CR1: variants seen among roughly 807,000 people sequenced by gnomAD.
CR1 encodes the protein complement C3b/C4b receptor 1 (Knops blood group), also known as complement receptor type 1.
CR1 carries 116 observed loss-of-function variants against 187.3 expected under a neutral mutation model. That is an observed-to-expected ratio of 0.62 (90% CI 0.53 to 0.72). CR1 has a LOEUF of 0.72. Ranked by LOEUF, CR1 falls within the 30% of genes least tolerant of loss-of-function variation. The pLI, the probability that CR1 is intolerant of heterozygous loss-of-function variation, is 0.00. For missense variants in CR1, 1,731 were observed against 2,110.7 expected (o/e 0.82, Z 3.52); for synonymous variants, 576 against 747.1 (o/e 0.77, Z 3.73).
rs775410210 is a variant in CR1 at position 207,523,637 on chromosome 1, A to G, written c.514A>G (p.Ile172Val). 2 of 1,614,006 alleles carry G rather than the reference A, an allele frequency of 1.2e-6. No individual in the cohort carries two copies. Among genetic ancestry groups the G allele is most frequent in the South Asian group, 1.1e-5 (1 of 91,086 alleles). The part of the protein sequence containing the change: ...DRIPCGLPPT[I>V]TNGDFISTNR... ...AATTCCTTGTGGGCTACCCCCCACC[A>G]TCACCAATGGAGATTTCATTAGCAC... The change falls in exon 5 of 47, where the codon ATC (isoleucine) becomes GTC (valine). Residue 172 changes from isoleucine (I) to valine (V), a missense_variant. By Grantham distance (29) the Ile-to-Val change is conservative. This residue lies in a region of CR1 where 237 missense variants were observed against 240.4 expected (regional missense o/e 0.99). Transcript: ENST00000367049.
chr1:207,633,502 A>T (rs1662714540), intron 46 of CR1, among the ~76,000 whole-genome samples: 1 of 152,180 alleles, frequency 6.6e-6, no homozygotes, highest in African/African-American at 2.4e-5. Flanking sequence ...ACCTATAGTA[A>T]TTGACATTTC....
At chr1:207,620,478 A>G (rs1039025209) in intron 43 of CR1, among the ~76,000 whole-genome samples, 1 of 152,216 alleles carries the variant, frequency 6.6e-6, no homozygotes, top group Non-Finnish European at 1.5e-5. Flanking sequence ...GAAATTACGT[A>G]TCATTGAGCT....
rs1487577426 is a variant in CR1, at chr1:207,565,143, C to T, written c.3867-695C>T. ...TGCACATCTCTACACAGGAGCTGACCGGCATGGGCAACAAAGCACCTGATC... is the reference window on the plus strand; with the variant it reads ...TGCACATCTCTACACAGGAGCTGACTGGCATGGGCAACAAAGCACCTGATC... On this transcript the variant is annotated intron_variant, in intron 23 of 46. Transcript: ENST00000367049. 4.7e-5 allele frequency among the ~76,000 whole-genome samples: 7 copies of T among 149,894 alleles called. 1 individual carries two copies. Among genetic ancestry groups the T allele is most frequent in the African/African-American group, 1.3e-4 (5 of 39,402 alleles).
chr1:207,575,504 A>G lies in CR1; in HGVS notation c.4452-91A>G. ...AGGCTAGGCCTTAGACTTCTCCTGC[A>G]TTGTAATCCTTCTGGTTTGCCACAT... On this transcript the variant is annotated intron_variant, in intron 27 of 46. Coordinates refer to ENST00000367049, the MANE Select transcript of CR1 (RefSeq NM_000651.6). The G allele has an allele frequency of 2.6e-6, 4 of 1,530,752 alleles. No individual in the cohort carries two copies. In the South Asian group the frequency reaches 3.4e-5, roughly 13 times the overall value. The allele number at this position is 1,530,752 out of a possible 1,614,324, so 94.8% of individuals were successfully genotyped here.
intron 45 of CR1, among the ~76,000 whole-genome samples, chr1:207,624,557 G>C (rs1027134470): frequency 2.0e-5 from 3 of 152,160 alleles, no homozygotes; most frequent in African/African-American, 7.2e-5. Context: ...AAAGTAGTTT[G>C]TCATAGTAGA....
intron 4 of CR1, among the ~76,000 whole-genome samples, chr1:207,513,073 A>G (rs1233672321): frequency 6.6e-6 from 1 of 152,234 alleles, no homozygotes; most frequent in Non-Finnish European, 1.5e-5. Flanking sequence ...TTCTTTTGCA[A>G]TAATTCAAGT....
At chr1:207,517,016 T>C (rs1659828500) in intron 4 of CR1, among the ~76,000 whole-genome samples, 1 of 152,162 alleles carries the variant, frequency 6.6e-6, no homozygotes, top group South Asian at 2.1e-4. Flanking sequence ...ATAGTCCTCA[T>C]AAATCATGAT....
At position 207,523,920 on chromosome 1, in the gene CR1, G is replaced by A; in HGVS notation, c.797G>A (p.Cys266Tyr). ...TTAAATGAAGTTGTGGAGTTTAGGT[G>A]TCAGCCTGGCTTTGTCATGAAAGGA... ...FSLNEVVEFR[C>Y]QPGFVMKGPR... is the part of the protein sequence containing the mutation. Residue 266 changes from cysteine (C) to tyrosine (Y), a missense_variant, in exon 5 of 47, where the codon TGT (cysteine) becomes TAT (tyrosine). Physicochemically the swap from Cys to Tyr is radical, Grantham distance 194. Around this residue, in one of 5 missense-constraint regions of CR1, gnomAD observed 131 missense variants for 196.8 expected, o/e 0.67. Coordinates refer to ENST00000367049, the MANE Select transcript of CR1 (RefSeq NM_000651.6). The A allele has an allele frequency of 6.2e-7, 1 of 1,611,176 alleles. No individual in the cohort carries two copies. The highest frequency in any genetic ancestry group is 8.5e-7 in the Non-Finnish European group (1 of 1,179,228).
In CR1 at chr1:207,641,483, A is replaced by C. The variant is rs77155824; in HGVS notation, c.*2074A>C. On this transcript the variant is annotated 3_prime_UTR_variant, in exon 47 of 47. Coordinates refer to ENST00000367049, the MANE Select transcript of CR1 (RefSeq NM_000651.6). ...AAGGTTTTTTTCTATTATATCAGTT[A>C]TAATGATAAATACTGTATATACTAA... 6.6e-6 allele frequency: 1 copy of C among 152,252 alleles called. No individual in the cohort carries two copies. Among genetic ancestry groups the C allele is most frequent in the African/African-American group, 2.4e-5 (1 of 41,456 alleles). The allele number at this position is 152,252 out of a possible 1,614,324, so 9.4% of individuals were successfully genotyped here.
Position 207,619,920 on chromosome 1 carries a change from G to A in CR1, c.7107G>A (p.Ser2369=), listed in dbSNP as rs188203769. Residue 2369 remains serine (S), a synonymous_variant, in exon 43 of 47, where the codon TCG becomes TCA. Transcript: ENST00000367049. ...TCCCACTGTTTATGAATGGAATCTC[G>A]AAGGAGTTAGAAATGAAAAAAGTAT... The part of the protein sequence containing the change: ...CSFPLFMNGI[S]KELEMKKVYH... The A allele has an allele frequency of 7.9e-5, 127 of 1,601,668 alleles. No individual in the cohort carries two copies. In the African/African-American group the frequency reaches 1.4e-3, roughly 18 times the overall value.
intron 40 of CR1, among the ~76,000 whole-genome samples, chr1:207,615,364 A>T (rs1662061860): frequency 6.6e-6 from 1 of 152,250 alleles, no homozygotes; most frequent in African/African-American, 2.4e-5. Context: ...ATAAAATGGT[A>T]GTTAAATAGG....
intron 13 of CR1, among the ~76,000 whole-genome samples, chr1:207,544,980 A>T (rs867105863): frequency 2.1e-4 from 11 of 53,044 alleles, no homozygotes; most frequent in Middle Eastern, 0.013. Flanking sequence ...AAAATCCATC[A>T]TTCCTCCCAA....
intron 46 of CR1, among the ~76,000 whole-genome samples, chr1:207,639,159 C>T (rs996944288): frequency 6.6e-6 from 1 of 152,206 alleles, no homozygotes; most frequent in African/African-American, 2.4e-5. Flanking sequence ...TTGTTTACAT[C>T]TTGGACATAA....
chr1:207,585,191 T>G (rs1038806198), intron 33 of CR1, among the ~76,000 whole-genome samples: 5 of 152,138 alleles, frequency 3.3e-5, no homozygotes, highest in African/African-American at 9.7e-5. Context: ...GGAGACGACA[T>G]GAAAACATCT....
chr1:207,501,753 C>A (rs1394784356), intron 1 of CR1, among the ~76,000 whole-genome samples: 1 of 152,140 alleles, frequency 6.6e-6, no homozygotes, highest in Non-Finnish European at 1.5e-5. Context: ...TGACATTTAC[C>A]CTCTCTCAAT....
intron 42 of CR1, among the ~76,000 whole-genome samples, chr1:207,618,896 C>A (rs1662224866): frequency 6.7e-6 from 1 of 148,968 alleles, no homozygotes; most frequent in African/African-American, 2.5e-5. Flanking sequence ...CAAAAATTAG[C>A]TGGGTGGTGG....
At chr1:207,602,787 A>G (rs894595733) in intron 35 of CR1, among the ~76,000 whole-genome samples, 1 of 152,270 alleles carries the variant, frequency 6.6e-6, no homozygotes, top group Admixed American at 6.5e-5. Context: ...AAAGGTTATT[A>G]GAATAGGAAA....
chr1:207,617,608 TATATAGAGAGAGAG>T (rs1393094601), intron 41 of CR1, among the ~76,000 whole-genome samples: 76 of 12,182 alleles, frequency 6.2e-3, no homozygotes, highest in East Asian at 0.027. Context: ...TATATATATA[TATATAGAGAGAGAG>T]AGAGAGAGAG....
intron 3 of CR1, among the ~76,000 whole-genome samples, chr1:207,510,959 C>G (rs1044572318): frequency 2.6e-5 from 4 of 151,808 alleles, no homozygotes; most frequent in African/African-American, 9.7e-5. Flanking sequence ...GTAGCTAGGA[C>G]TACAGGAATG....
Sources: gnomAD v4.1 joint callset for allele counts (sites outside exome capture counted in the v4.1 genomes callset) on GRCh38, gnomAD v4.1.1 for gene constraint, gnomAD v4.1.1 regional missense constraint, MANE v1.5 for transcripts, NCBI Gene and HGNC (gene_info 2026-07-23, HGNC 2026-07-21) for gene names.